The following FIBCD1 variants were observed in gnomAD, a reference collection of about 807,000 sequenced individuals.
The protein encoded by FIBCD1 is fibrinogen C domain containing 1, also known as fibrinogen C domain-containing protein 1.
FIBCD1 carries 47 observed loss-of-function variants against 45.1 expected under a neutral mutation model. The ratio of observed to expected loss-of-function variants is 1.04; its 90% confidence interval spans 0.82 to 1.33. The LOEUF (loss-of-function observed/expected upper bound fraction) is 1.33. FIBCD1 is among the 40% of genes most tolerant of loss of function. The pLI, the probability that FIBCD1 is intolerant of heterozygous loss-of-function variation, is 0.00. For synonymous variants in FIBCD1, 313 were observed against 308.1 expected (o/e 1.02, Z -0.17); for missense variants, 653 against 682.2 (o/e 0.96, Z 0.48).
chr9:130,935,857 A>G (rs7865030), intron 1 of FIBCD1, among the ~76,000 whole-genome samples: 103,642 of 152,094 alleles, frequency 0.68, 35,447 homozygotes, highest in East Asian at 0.75. Context: ...TAAGAAATGA[A>G]TCTTAGTCGT....
At chr9:130,914,858 G>C (rs1424015035) in intron 4 of FIBCD1, among the ~76,000 whole-genome samples, 1 of 152,236 alleles carries the variant, frequency 6.6e-6, no homozygotes, top group Non-Finnish European at 1.5e-5. Context: ...TGGGATGATG[G>C]GCAGTCGAGA....
At chr9:130,935,956 T>C (rs7868778) in intron 1 of FIBCD1, among the ~76,000 whole-genome samples, 5,734 of 152,068 alleles carry the variant, frequency 0.038, 348 homozygotes, top group African/African-American at 0.13. Context: ...CCAGGCCCCG[T>C]TTGTAGGAAC....
At chr9:130,932,411 C>G (rs369640050) in intron 1 of FIBCD1, among the ~76,000 whole-genome samples, 1 of 152,158 alleles carries the variant, frequency 6.6e-6, no homozygotes, top group Non-Finnish European at 1.5e-5. Flanking sequence ...CAGTGCTCCA[C>G]GCCTGCCCAG....
At chr9:130,938,451 C>T in intron 1 of FIBCD1, 85 bp downstream of exon 1, 1 of 1,216,458 alleles carries the variant, frequency 8.2e-7, no homozygotes, top group Non-Finnish European at 1.1e-6. Flanking sequence ...AACTCCAGCC[C>T]CCGCAATGGG....
At position 130,923,854 on chromosome 9, in the gene FIBCD1, C is replaced by T. The variant is rs377553738; in HGVS notation, c.739G>A (p.Val247Ile). ...TGSRPRDCLD[V>I]LLSGQQDDGV... The stretch of plus-strand genomic sequence containing the variant: ...TCGTCCTGCTGTCCGCTTAGGAGGA[C>T]GTCCAGACAGTCTCGGGGCCGGGAG... The change falls in exon 4 of 7, where the codon GTC becomes ATC. Residue 247 changes from valine (V) to isoleucine (I), a missense_variant. Transcript: ENST00000372338. The T allele has an allele frequency of 5.0e-6, 8 of 1,612,628 alleles. No homozygotes were observed. The highest frequency in any genetic ancestry group is 2.2e-5 in the South Asian group (2 of 91,062).
At chr9:130,910,475 T>C (rs1832016733) in intron 5 of FIBCD1, among the ~76,000 whole-genome samples, 1 of 152,146 alleles carries the variant, frequency 6.6e-6, no homozygotes. Flanking sequence ...CAGCGCCCGG[T>C]CCCATCGAGC....
intron 5 of FIBCD1, among the ~76,000 whole-genome samples, chr9:130,910,454 C>A (rs1001073888): frequency 2.6e-5 from 4 of 152,236 alleles, no homozygotes; most frequent in African/African-American, 9.6e-5. Context: ...CGAGCGCCAC[C>A]CCCTGCTCCA....
At chr9:130,924,659 C>A (rs1832327905) in intron 2 of FIBCD1, among the ~76,000 whole-genome samples, 2 of 152,200 alleles carry the variant, frequency 1.3e-5, no homozygotes, top group African/African-American at 4.8e-5. Flanking sequence ...CTCCAGCAGG[C>A]ACCTGCCACC....
intron 1 of FIBCD1, 140 bp downstream of exon 1, chr9:130,938,396 C>A (rs886455976): frequency 6.2e-6 from 4 of 646,380 alleles, no homozygotes; most frequent in Admixed American, 4.5e-5. Context: ...GAGGAGGGTC[C>A]CCATCCCGGC....
At chr9:130,930,444 G>GCGGGGAGACA (rs1157598372) in intron 1 of FIBCD1, among the ~76,000 whole-genome samples, 1 of 150,254 alleles carries the variant, frequency 6.7e-6, no homozygotes, top group Non-Finnish European at 1.5e-5. Flanking sequence ...ATGGGGAGAT[G>GCGGGGAGACA]CGGGGAGACG....
At chr9:130,911,997 C>A in intron 4 of FIBCD1, 109 bp from the exon 5 acceptor site, 1 of 1,023,834 alleles carries the variant, frequency 9.8e-7, no homozygotes, top group Non-Finnish European at 1.4e-6. Context: ...CCCAACCTGC[C>A]CTCTCGGGAG....
Position 130,938,741 on chromosome 9 carries a change from C to A in FIBCD1, c.-134G>T, listed in dbSNP as rs1468608209. ...CCCGCCTCTGTGCCCCGCGCCGGGG[C>A]GGCCCGGGAGCGGGCGGGCGTGTGA... On this transcript the variant is annotated 5_prime_UTR_variant, in exon 1 of 7. Transcript: ENST00000372338. The A allele has an allele frequency of 1.2e-5, 4 of 331,336 alleles. No homozygotes were observed. Among genetic ancestry groups the A allele is most frequent in the South Asian group, 1.2e-4 (1 of 8,372 alleles). The allele number at this position is 331,336 out of a possible 1,614,324, so 20.5% of individuals were successfully genotyped here. A position where few individuals can be genotyped will look rare whatever the true frequency, so the allele number is the denominator to read the frequency against.
chr9:130,921,025 G>C (rs1016936985), intron 4 of FIBCD1, among the ~76,000 whole-genome samples: 2 of 152,250 alleles, frequency 1.3e-5, no homozygotes, highest in African/African-American at 2.4e-5. Context: ...AGGCTGCCCT[G>C]CCTGCCTCCA....
intron 1 of FIBCD1, chr9:130,936,376 A>T (rs1396784686): frequency 6.6e-6 from 1 of 152,268 alleles, no homozygotes; most frequent in African/African-American, 2.4e-5. Context: ...GAAGCTTCAA[A>T]CAAGCCCAGA....
At chr9:130,928,589 G>A (rs894247001) in intron 2 of FIBCD1, among the ~76,000 whole-genome samples, 2 of 152,210 alleles carry the variant, frequency 1.3e-5, no homozygotes, top group African/African-American at 4.8e-5. Flanking sequence ...CAAAGGGAGG[G>A]AAAGGGCCCA....
intron 2 of FIBCD1, among the ~76,000 whole-genome samples, chr9:130,924,645 G>C (rs1460760854): frequency 1.3e-5 from 2 of 152,208 alleles, no homozygotes; most frequent in Admixed American, 6.5e-5. Context: ...GGAGGGGAAG[G>C]AGGCTCCAGC....
intron 4 of FIBCD1, among the ~76,000 whole-genome samples, chr9:130,914,451 C>A (rs1317928508): frequency 6.6e-6 from 1 of 152,250 alleles, no homozygotes; most frequent in Non-Finnish European, 1.5e-5. Flanking sequence ...GTCTGCCCAG[C>A]AGGGTGGCCC....
At chr9:130,911,619 C>T (rs1832050062) in intron 5 of FIBCD1, among the ~76,000 whole-genome samples, 173 bp downstream of exon 5, 1 of 152,252 alleles carries the variant, frequency 6.6e-6, no homozygotes, top group Non-Finnish European at 1.5e-5. Context: ...TGTCTGGCCT[C>T]ATTCCTTCTG....
chr9:130,933,401 C>A (rs1295022684), intron 1 of FIBCD1, among the ~76,000 whole-genome samples: 2 of 152,130 alleles, frequency 1.3e-5, no homozygotes, highest in African/African-American at 4.8e-5. Context: ...ACAGAGCCCC[C>A]AGCTCCCAAG....
Sources: gnomAD v4.1 joint callset for allele counts (sites outside exome capture counted in the v4.1 genomes callset) on GRCh38, gnomAD v4.1.1 for gene constraint, MANE v1.5 for transcripts, NCBI Gene and HGNC (gene_info 2026-07-23, HGNC 2026-07-21) for gene names.